Variants in SAMD8 observed in about 807,000 individuals in gnomAD.
SAMD8 encodes sterile alpha motif domain containing 8, also known as sphingomyelin synthase-related protein 1.
In SAMD8, 20 loss-of-function variants were observed where a neutral mutation model predicts 42.0. The ratio of observed to expected loss-of-function variants is 0.48; its 90% confidence interval spans 0.34 to 0.69. The LOEUF (loss-of-function observed/expected upper bound fraction) is 0.69. SAMD8 is among the 30% of genes least tolerant of loss of function. The probability of loss-of-function intolerance (pLI) is 0.01; values close to 1 mark genes in which losing one functional copy is unlikely to be tolerated. For synonymous variants in SAMD8, 162 were observed against 173.0 expected, an observed-to-expected ratio of 0.94 and a Z score of 0.50; for missense variants, 328 against 511.6, an observed-to-expected ratio of 0.64 and a Z score of 3.46.
intron 1 of SAMD8, among the ~76,000 whole-genome samples, chr10:75,113,295 C>T (rs1424269846): frequency 3.3e-5 from 5 of 152,142 alleles, no homozygotes; most frequent in Non-Finnish European, 7.4e-5. Context: ...ACTTTAGCCA[C>T]ATGTCTCATA....
chr10:75,111,398 C>T, upstream of SAMD8: 4 of 754,646 alleles, frequency 5.3e-6, no homozygotes, highest in Non-Finnish European at 7.2e-6. Flanking sequence ...GTTCTCCTCT[C>T]GGGCCCATCT....
chr10:75,148,779 G>A (rs917556430), intron 1 of SAMD8, among the ~76,000 whole-genome samples: 3 of 152,172 alleles, frequency 2.0e-5, no homozygotes, highest in Non-Finnish European at 4.4e-5. Flanking sequence ...AAAAGGAAGA[G>A]GATGCTGTCC....
intron 3 of SAMD8, among the ~76,000 whole-genome samples, chr10:75,167,311 C>T (rs1840709712): frequency 6.6e-6 from 1 of 152,126 alleles, no homozygotes; most frequent in African/African-American, 2.4e-5. Flanking sequence ...GGCTAGAGCA[C>T]AGTGACATGA....
At chr10:75,112,767 A>G (rs1051809013) in intron 1 of SAMD8, among the ~76,000 whole-genome samples, 3 of 152,210 alleles carry the variant, frequency 2.0e-5, no homozygotes, top group African/African-American at 7.2e-5. Context: ...TAAAAATTAA[A>G]CTTGAAACAA....
Position 75,114,777 on chromosome 10 carries a change from T to G in SAMD8, c.-16+3055T>G, listed in dbSNP as rs79354149. ...TTTATGGATGGAAATCTTTCCTGTC[T>G]TCAGATTCTACCCCCTTCATTTTTC... On this transcript the variant is annotated intron_variant, in intron 1 of 5. Transcript: ENST00000542569. Among the ~76,000 whole-genome samples the G allele has an allele frequency of 2.0e-5, 3 of 152,342 alleles. No individual in the cohort carries two copies. In the East Asian group the frequency reaches 5.8e-4, roughly 29 times the overall value.
intron 1 of SAMD8, among the ~76,000 whole-genome samples, chr10:75,148,515 G>C (rs140258051): frequency 6.6e-6 from 1 of 151,906 alleles, no homozygotes; most frequent in Non-Finnish European, 1.5e-5. Flanking sequence ...TGCCATGCCC[G>C]GCTAATTTTT....
intron 1 of SAMD8, among the ~76,000 whole-genome samples, chr10:75,132,623 TATAA>T (rs943081086): frequency 1.7e-4 from 26 of 152,212 alleles, no homozygotes; most frequent in African/African-American, 6.0e-4. Flanking sequence ...ATAATAAAAA[TATAA>T]ATAAAGAGAA....
rs1589986180 is a variant in SAMD8 at position 75,181,968 on chromosome 10, G to A, written c.*5276G>A. 6.6e-6 allele frequency: 1 copy of A among 152,130 alleles called. No homozygotes were observed. The highest frequency in any genetic ancestry group is 2.4e-5 in the African/African-American group (1 of 41,434). 9.4% of individuals were successfully genotyped at this position (152,130 alleles called of 1,614,324 possible). A position where few individuals can be genotyped will look rare whatever the true frequency, so the allele number is the denominator to read the frequency against. On this transcript the variant is annotated 3_prime_UTR_variant, in exon 6 of 6. Transcript: ENST00000542569. ...ACTAGTATTACTTGAAGATGTGAAAGTTCCTGTGGTAGCCATACCTTGAAG... is the reference window on the plus strand; with the variant it reads ...ACTAGTATTACTTGAAGATGTGAAAATTCCTGTGGTAGCCATACCTTGAAG...
At chr10:75,141,243 A>C (rs1840005952) in intron 1 of SAMD8, among the ~76,000 whole-genome samples, 1 of 151,948 alleles carries the variant, frequency 6.6e-6, no homozygotes, top group African/African-American at 2.4e-5. Flanking sequence ...GGTCCCAGCT[A>C]CTTGGAAGGC....
chr10:75,113,091 CAG>C (rs1384648949), intron 1 of SAMD8, among the ~76,000 whole-genome samples: 2 of 152,162 alleles, frequency 1.3e-5, no homozygotes, highest in African/African-American at 4.8e-5. Context: ...AAAATAAGGA[CAG>C]AGGATGCTTG....
intron 1 of SAMD8, among the ~76,000 whole-genome samples, chr10:75,136,524 A>G (rs1839889516): frequency 2.6e-5 from 4 of 152,318 alleles, no homozygotes; most frequent in East Asian, 1.9e-4. Context: ...TTGTTCTGAA[A>G]TCAACAATTC....
rs1841019505 is a variant in SAMD8 at position 75,177,984 on chromosome 10, GAATATT to G, written c.*1296_*1301del. 1 of 152,152 alleles carries G rather than the reference GAATATT, an allele frequency of 6.6e-6. No homozygotes were observed. The highest frequency in any genetic ancestry group is 1.5e-5 in the Non-Finnish European group (1 of 68,022). The allele number at this position is 152,152 out of a possible 1,614,324, so 9.4% of individuals were successfully genotyped here. On this transcript the variant is annotated 3_prime_UTR_variant, in exon 6 of 6. Transcript: ENST00000542569. ...CCAACTAATGAGCTTAAGCTGCTTGGAATATTAATTATGTAGTTTTTACATTCCATT... is the reference window on the plus strand; with the variant it reads ...CCAACTAATGAGCTTAAGCTGCTTGGAATTATGTAGTTTTTACATTCCATT...
At chr10:75,164,844 C>G (rs939976375) in intron 3 of SAMD8, 104 bp downstream of exon 3, 9 of 840,404 alleles carry the variant, frequency 1.1e-5, no homozygotes, top group South Asian at 3.0e-5. Flanking sequence ...ATTTCCTTCT[C>G]TGGTCATTGT....
At chr10:75,149,042 G>T (rs772696358) in intron 1 of SAMD8, among the ~76,000 whole-genome samples, 2 of 151,378 alleles carry the variant, frequency 1.3e-5, no homozygotes, top group Non-Finnish European at 2.9e-5. Flanking sequence ...GGTGTTCGTT[G>T]TATCATTTTA....
chr10:75,102,019 T>A, intron 1 of SAMD8: 1 of 1,229,192 alleles, frequency 8.1e-7, no homozygotes, highest in Non-Finnish European at 1.1e-6. Context: ...TCTTCCAGCC[T>A]CCCCTGCCAC....
chr10:75,132,856 G>A (rs948979500), intron 1 of SAMD8, among the ~76,000 whole-genome samples: 1 of 152,000 alleles, frequency 6.6e-6, no homozygotes, highest in African/African-American at 2.4e-5. Context: ...GGGCTTGGTG[G>A]TACACACCTG....
intron 2 of SAMD8, among the ~76,000 whole-genome samples, chr10:75,162,095 A>G (rs1404483968): frequency 6.6e-6 from 1 of 152,164 alleles, no homozygotes; most frequent in African/African-American, 2.4e-5. Flanking sequence ...ACCATGGTTC[A>G]CACCTGTAAT....
intron 2 of SAMD8, among the ~76,000 whole-genome samples, chr10:75,154,541 A>T (rs1298629931): frequency 1.3e-5 from 2 of 152,204 alleles, no homozygotes; most frequent in Non-Finnish European, 2.9e-5. Flanking sequence ...TTGTGTAAGG[A>T]CTTGAGGACC....
chr10:75,103,189 AC>A (rs1187924155), intron 1 of SAMD8, among the ~76,000 whole-genome samples: 1 of 152,216 alleles, frequency 6.6e-6, no homozygotes, highest in Non-Finnish European at 1.5e-5. Context: ...GTGGAGGAGG[AC>A]AGTGAAGAGG....
Sources: gnomAD v4.1 joint callset for allele counts (sites outside exome capture counted in the v4.1 genomes callset) on GRCh38, gnomAD v4.1.1 for gene constraint, MANE v1.5 for transcripts, NCBI Gene and HGNC (gene_info 2026-07-23, HGNC 2026-07-21) for gene names.